Variants in CCDC9B observed in about 807,000 individuals in gnomAD.
CCDC9B encodes coiled-coil domain-containing protein 9B.
In CCDC9B, 40 loss-of-function variants were observed where a neutral mutation model predicts 47.2. That is an observed-to-expected ratio of 0.85 (90% CI 0.66 to 1.10). The LOEUF (loss-of-function observed/expected upper bound fraction) is 1.10. Ranked by LOEUF, CCDC9B falls within the 50% of genes least tolerant of loss-of-function variation. CCDC9B has a pLI of 0.00. For missense variants in CCDC9B, 662 were observed against 651.0 expected (o/e 1.02, Z -0.18); for synonymous variants, 238 against 250.7 (o/e 0.95, Z 0.48).
intron 6 of CCDC9B, 135 bp from the exon 7 acceptor site, chr15:40,337,581 C>T: frequency 8.4e-7 from 1 of 1,195,896 alleles, no homozygotes; most frequent in East Asian, 2.5e-5. Context: ...AGATGGGAGA[C>T]CCAGAGCCTT....
At position 40,335,154 on chromosome 15, in the gene CCDC9B, G is replaced by A. The variant is rs749157219; in HGVS notation, c.*4C>T. ...GGGGACTCCCCAGCTCCCAGGAGCT[G>A]TGTTCAGCATCTTCCTGCCGGGCCA... On this transcript the variant is annotated 3_prime_UTR_variant, in exon 11 of 11. Coordinates refer to ENST00000397536, the MANE Select transcript of CCDC9B (RefSeq NM_207380.3). 5.3e-6 allele frequency: 8 copies of A among 1,499,918 alleles called. No homozygotes were observed. Among genetic ancestry groups the A allele is most frequent in the Non-Finnish European group, 7.1e-6 (8 of 1,124,878 alleles). The allele number at this position is 1,499,918 out of a possible 1,614,324, so 92.9% of individuals were successfully genotyped here. A position where few individuals can be genotyped will look rare whatever the true frequency, so the allele number is the denominator to read the frequency against.
rs373049661 is a variant in CCDC9B, at chr15:40,338,069, A to C, written c.514-176T>G. The C allele has an allele frequency of 3.9e-4, 294 of 748,094 alleles. 2 individuals carry two copies. The African/African-American group carries it at 4.2e-3, about 11-fold the overall frequency. The allele number at this position is 748,094 out of a possible 1,614,324, so 46.3% of individuals were successfully genotyped here. A position where few individuals can be genotyped will look rare whatever the true frequency, so the allele number is the denominator to read the frequency against. ...TCCACTTGTTAGCTGTGTGTTTTAC[A>C]TAAGTAATTTAACCTCTCTGTGTCT... On this transcript the variant is annotated intron_variant, in intron 5 of 10. Transcript: ENST00000397536.
Position 40,340,015 on chromosome 15 carries a change from C to CT in CCDC9B, c.13-1_13insA (p.Gly5ArgfsTer62). 1 of 1,607,008 alleles carries CT rather than the reference C, an allele frequency of 6.2e-7. No individual in the cohort carries two copies. The highest frequency in any genetic ancestry group is 8.5e-7 in the Non-Finnish European group (1 of 1,175,206). On this transcript the variant is annotated frameshift_variant and splice_region_variant. Coordinates refer to ENST00000397536, the MANE Select transcript of CCDC9B (RefSeq NM_207380.3). LOFTEE classifies it high-confidence loss of function. ...ATGGGGGACTCGGCTCTGGGAGTTC[C>CT]CTGCAGAGGCAGGGAACCCAAGCTC...
Position 40,335,270 on chromosome 15 carries a change from T to C in CCDC9B, c.1361A>G (p.Gln454Arg), listed in dbSNP as rs753569582. 188 of 1,606,122 alleles carry C rather than the reference T, an allele frequency of 1.2e-4. 1 individual carries two copies. In the Admixed American group the frequency reaches 3.1e-3, roughly 27 times the overall value. The change falls in exon 11 of 11, where the codon CAG becomes CGG. Residue 454 changes from glutamine to arginine, a missense_variant. Coordinates refer to ENST00000397536, the MANE Select transcript of CCDC9B (RefSeq NM_207380.3). ...CCGGCTTCTCGGGGCCAGGCCCTGCTGGGCCCCAGACTTGCCAGACCTGTC... is the reference window on the plus strand; with the variant it reads ...CCGGCTTCTCGGGGCCAGGCCCTGCCGGGCCCCAGACTTGCCAGACCTGTC... ...GEDRSGKSGA[Q>R]QGLAPRSRPT...
chr15:40,335,930 G>A (rs1382064458), intron 9 of CCDC9B, 104 bp from the exon 10 acceptor site: 10 of 1,536,862 alleles, frequency 6.5e-6, no homozygotes, highest in Non-Finnish European at 7.0e-6. Context: ...CAGTGAGGAA[G>A]GCTGAGCTGG....
At position 40,332,534 on chromosome 15, in the gene CCDC9B, C is replaced by G. The variant is rs1888876866; in HGVS notation, c.*2624G>C. On this transcript the variant is annotated 3_prime_UTR_variant, in exon 11 of 11. Transcript: ENST00000397536. The stretch of plus-strand genomic sequence containing the variant: ...ACTTCCCCACAGCCCTTCTGCCCAG[C>G]CTTCTCTCCTGCTTCAGTCCCATTG... 6.6e-6 allele frequency: 1 copy of G among 152,364 alleles called. No individual in the cohort carries two copies. The highest frequency in any genetic ancestry group is 2.4e-5 in the African/African-American group (1 of 41,456). The allele number at this position is 152,364 out of a possible 1,614,324, so 9.4% of individuals were successfully genotyped here. A position where few individuals can be genotyped will look rare whatever the true frequency, so the allele number is the denominator to read the frequency against.
rs367890530 is a variant in CCDC9B, at chr15:40,340,835, C to T, written c.-16G>A. ...CCGAGTGCATGGCAACGGCGGGCAC[C>T]GAGAGAATTCCAGAGCAGCCCCTGG... On this transcript the variant is annotated 5_prime_UTR_variant, in exon 1 of 11. Coordinates refer to ENST00000397536, the MANE Select transcript of CCDC9B (RefSeq NM_207380.3). 13 of 1,609,286 alleles carry T rather than the reference C, an allele frequency of 8.1e-6. No individual in the cohort carries two copies. The highest frequency in any genetic ancestry group is 4.4e-5 in the South Asian group (4 of 90,282).
rs1258935295 is a variant in CCDC9B at position 40,335,605 on chromosome 15, G to A, written c.1026C>T (p.Ala342=). 2.7e-6 allele frequency: 4 copies of A among 1,496,672 alleles called. No homozygotes were observed. In the African/African-American group the frequency reaches 5.6e-5, roughly 21 times the overall value. The allele number at this position is 1,496,672 out of a possible 1,614,324, so 92.7% of individuals were successfully genotyped here. A position where few individuals can be genotyped will look rare whatever the true frequency, so the allele number is the denominator to read the frequency against. ...EQGRLGSAPA[A]SPALASPEGP... is the part of the protein sequence containing the mutation. The stretch of plus-strand genomic sequence containing the variant: ...CCTCTGGGGATGCCAGGGCTGGGCT[G>A]GCTGCAGGGGCGCTCCCCAGTCGGC... The change falls in exon 11 of 11, where the codon GCC becomes GCT. Residue 342 remains alanine (A), a synonymous_variant. Transcript: ENST00000397536.
Position 40,336,777 on chromosome 15 carries a change from A to G in CCDC9B, c.779T>C (p.Leu260Ser). ...RSHQKLQPPP[L>S]LPDGKGRGGQ... is the part of the protein sequence containing the mutation. Reference sequence around the variant, plus strand: ...CAACTCACCTTTTCCATCAGGGAGCAATGGTGGGGGCTGTAGTTTCTGGTG... The same window carrying G: ...CAACTCACCTTTTCCATCAGGGAGCGATGGTGGGGGCTGTAGTTTCTGGTG... The change falls in exon 8 of 11, where the codon TTG becomes TCG. Residue 260 changes from leucine (L) to serine (S), a missense_variant. By Grantham distance (145) the Leu-to-Ser change is moderately radical. Transcript: ENST00000397536. The G allele has an allele frequency of 1.2e-6, 2 of 1,601,222 alleles. No individual in the cohort carries two copies. Among genetic ancestry groups the G allele is most frequent in the Non-Finnish European group, 1.7e-6 (2 of 1,175,152 alleles).
Position 40,338,678 on chromosome 15 carries a change from G to A in CCDC9B, c.388-18C>T, listed in dbSNP as rs756189180. 9.9e-6 allele frequency: 16 copies of A among 1,613,606 alleles called. No homozygotes were observed. In the South Asian group the frequency reaches 1.8e-4, roughly 18 times the overall value. ...CGTTTGCCCTGGGGAGGATGAAGATGGGCAGTGCAGCAGAGCCAGGGAGGA... is the reference window on the plus strand; with the variant it reads ...CGTTTGCCCTGGGGAGGATGAAGATAGGCAGTGCAGCAGAGCCAGGGAGGA... On this transcript the variant is annotated intron_variant, in intron 4 of 10. Transcript: ENST00000397536.
chr15:40,334,868 CAGT>C lies in CCDC9B; in HGVS notation c.*287_*289del, dbSNP rs1469993004. 4 of 294,882 alleles carry C rather than the reference CAGT, an allele frequency of 1.4e-5. No individual in the cohort carries two copies. The highest frequency in any genetic ancestry group is 2.5e-5 in the Non-Finnish European group (4 of 159,034). 18.3% of individuals were successfully genotyped at this position (294,882 alleles called of 1,614,324 possible). The stretch of plus-strand genomic sequence containing the variant: ...TGGAGAAGGCTTGTGGCCTGGGCAG[CAGT>C]AGGCCCAGGTCAGGGTGCACCAGCC... On this transcript the variant is annotated 3_prime_UTR_variant, in exon 11 of 11. Transcript: ENST00000397536.
At position 40,338,632 on chromosome 15, in the gene CCDC9B, G is replaced by A. The variant is rs769001727; in HGVS notation, c.416C>T (p.Thr139Ile). 45 of 1,613,966 alleles carry A rather than the reference G, an allele frequency of 2.8e-5. No homozygotes were observed. In the Admixed American group the frequency reaches 7.2e-4, roughly 26 times the overall value. The part of the protein sequence containing the change: ...EGKRIVSEKP[T>I]RARNQGIEGS... ...CTCTATGCCTTGGTTCCTTGCTCTG[G>A]TAGGCTTTTCACTTACAATCCGTTT... is the stretch of plus-strand genomic sequence containing the variant. The change falls in exon 5 of 11, where the codon ACC becomes ATC. Residue 139 changes from threonine to isoleucine, a missense_variant. By Grantham distance (89) the Thr-to-Ile change is moderately conservative (BLOSUM62 -1). Coordinates refer to ENST00000397536, the MANE Select transcript of CCDC9B (RefSeq NM_207380.3).
intron 9 of CCDC9B, 72 bp from the exon 10 acceptor site, chr15:40,335,898 G>A (rs1888949093): frequency 6.4e-7 from 1 of 1,560,764 alleles, no homozygotes; most frequent in African/African-American, 1.4e-5. Context: ...CCTGAATAGA[G>A]GGGTGGGGTG....
rs771423737 is a variant in CCDC9B, at chr15:40,339,905, C to G, written c.123G>C (p.Gln41His). The change falls in exon 2 of 11, where the codon CAG (glutamine) becomes CAC (histidine). Residue 41 changes from glutamine to histidine, a missense_variant and splice_region_variant. Transcript: ENST00000397536. ...KKNQALLRRYQEIQEDRRQAE... is the reference protein window; with the variant it reads ...KKNQALLRRYHEIQEDRRQAE... ...CCTGGCCCTGTGGCAGCCCACTCAC[C>G]TGGTACCTGCGGAGCAAGGCCTGGT... 1.2e-6 allele frequency: 2 copies of G among 1,610,148 alleles called. No individual in the cohort carries two copies. Among genetic ancestry groups the G allele is most frequent in the South Asian group, 2.2e-5 (2 of 91,012 alleles).
intron 1 of CCDC9B, 131 bp from the exon 2 acceptor site, chr15:40,340,146 T>C (rs1889058674): frequency 1.6e-6 from 1 of 632,970 alleles, no homozygotes; most frequent in Non-Finnish European, 2.8e-6. Context: ...GGAAGGGGAT[T>C]GCTTAGGGAG....
intron 2 of CCDC9B, 118 bp downstream of exon 2, chr15:40,339,787 C>A: frequency 7.1e-7 from 1 of 1,404,000 alleles, no homozygotes; most frequent in Non-Finnish European, 9.8e-7. Context: ...CCATGCCCAC[C>A]CTACCCCTGG....
chr15:40,337,952 T>G (rs1595713680), intron 5 of CCDC9B, 59 bp from the exon 6 acceptor site: 6 of 1,511,674 alleles, frequency 4.0e-6, no homozygotes, highest in South Asian at 3.6e-5. Flanking sequence ...TGGGGTGGGG[T>G]TTGGAGACTC....
intron 3 of CCDC9B, 183 bp downstream of exon 3, chr15:40,339,329 G>T: frequency 1.6e-6 from 1 of 626,530 alleles, no homozygotes. Flanking sequence ...CTGGGGGTAG[G>T]GGGGCTTTCA....
rs939081807 is a variant in CCDC9B at position 40,335,335 on chromosome 15, A to G, written c.1296T>C (p.Pro432=). The G allele has an allele frequency of 2.5e-6, 4 of 1,613,498 alleles. No individual in the cohort carries two copies. Among genetic ancestry groups the G allele is most frequent in the Non-Finnish European group, 3.4e-6 (4 of 1,179,878 alleles). ...HQAELEVQTC[P]EPQRGAGLPE... ...GGAGCCCTGCTCCTCTCTGTGGCTC[A>G]GGGCAAGTCTGTACTTCCAGCTCAG... is the stretch of plus-strand genomic sequence containing the variant. Residue 432 remains proline, a synonymous_variant, in exon 11 of 11, where the codon CCT becomes CCC. Transcript: ENST00000397536.
Sources: gnomAD v4.1 joint callset for allele counts on GRCh38, gnomAD v4.1.1 for gene constraint, MANE v1.5 for transcripts, NCBI Gene and HGNC (gene_info 2026-07-23, HGNC 2026-07-21) for gene names.